Variants in MAST2 observed in about 807,000 individuals in gnomAD.
MAST2 encodes the protein microtubule-associated serine/threonine-protein kinase 2.
A neutral mutation model predicts 147.4 loss-of-function variants in MAST2; 70 were observed. The observed-to-expected ratio is 0.47, with a 90% CI of 0.39 to 0.58. MAST2 has a LOEUF of 0.58. Ranked by LOEUF, MAST2 falls within the 20% of genes least tolerant of loss-of-function variation. The probability of loss-of-function intolerance (pLI) is 0.00; values close to 1 mark genes in which losing one functional copy is unlikely to be tolerated. For synonymous variants in MAST2, 869 were observed against 896.8 expected (o/e 0.97, Z 0.55); for missense variants, 2,080 against 2,302.3 (o/e 0.90, Z 1.98).
At chr1:45,994,525 G>A (rs776133795) in intron 5 of MAST2, among the ~76,000 whole-genome samples, 11 of 151,840 alleles carry the variant, frequency 7.2e-5, no homozygotes, top group African/African-American at 1.2e-4. Context: ...AACCTCAGGC[G>A]ATCTGCCTGC....
At chr1:45,907,341 T>C (rs1194840285) in intron 4 of MAST2, among the ~76,000 whole-genome samples, 2 of 152,200 alleles carry the variant, frequency 1.3e-5, no homozygotes, top group Non-Finnish European at 2.9e-5. Context: ...TTTTCTCCAA[T>C]GTTTTCTTCT....
chr1:45,890,749 C>G (rs1215407260), intron 4 of MAST2, among the ~76,000 whole-genome samples: 2 of 152,272 alleles, frequency 1.3e-5, no homozygotes, highest in African/African-American at 2.4e-5. Context: ...ATATGCTGAT[C>G]CCAGAGCCTA....
chr1:45,880,199 G>A (rs757169299), intron 3 of MAST2, among the ~76,000 whole-genome samples: 3 of 152,138 alleles, frequency 2.0e-5, no homozygotes, highest in Non-Finnish European at 4.4e-5. Context: ...TTGGAGAAAC[G>A]ATAAATTAAC....
At chr1:46,032,865 C>G in intron 26 of MAST2, 147 bp downstream of exon 26, 1 of 1,072,514 alleles carries the variant, frequency 9.3e-7, no homozygotes, top group South Asian at 1.7e-5. Flanking sequence ...CGCGGTGGCT[C>G]ATGCCTGTAA....
At chr1:45,987,777 ATTTT>A in intron 5 of MAST2, among the ~76,000 whole-genome samples, 1 of 21,778 alleles carries the variant, frequency 4.6e-5, no homozygotes, top group Middle Eastern at 0.036. Flanking sequence ...TTTTTTTTTG[ATTTT>A]TTTTTTTTTT....
intron 1 of MAST2, among the ~76,000 whole-genome samples, chr1:45,816,221 A>AGAGAGAGAGAGAGAAAG (rs1553202491): frequency 2.2e-5 from 3 of 134,738 alleles, no homozygotes; most frequent in African/African-American, 8.4e-5. Context: ...GAGAGAGAGA[A>AGAGAGAGAGAGAGAAAG]AGAGAGAGAG....
At position 45,831,191 on chromosome 1, in the gene MAST2, C is replaced by T. The variant is rs115008252; in HGVS notation, c.468+1610C>T. 7.6e-3 allele frequency among the ~76,000 whole-genome samples: 1,151 copies of T among 152,252 alleles called. 16 individuals carry two copies. Among genetic ancestry groups the T allele is most frequent in the African/African-American group, 0.026 (1,098 of 41,544 alleles). On this transcript the variant is annotated intron_variant, in intron 3 of 28. Coordinates refer to ENST00000361297, the MANE Select transcript of MAST2 (RefSeq NM_015112.3). ...CAAACTTGCTTTTGTACCAAAGGCA[C>T]CCACTGGCTTTCTGCTCATCTCACA... is the stretch of plus-strand genomic sequence containing the variant.
At chr1:45,981,223 C>T (rs911410304) in intron 5 of MAST2, among the ~76,000 whole-genome samples, 4 of 152,218 alleles carry the variant, frequency 2.6e-5, no homozygotes, top group African/African-American at 9.6e-5. Flanking sequence ...AGGTGTGCAT[C>T]ACCACACCTG....
At chr1:45,983,068 A>G (rs1358705734) in intron 5 of MAST2, among the ~76,000 whole-genome samples, 2 of 152,176 alleles carry the variant, frequency 1.3e-5, no homozygotes, top group Non-Finnish European at 2.9e-5. Context: ...CATCACATAT[A>G]TAGTGGTCTG....
At chr1:45,875,056 G>A (rs549148614) in intron 3 of MAST2, among the ~76,000 whole-genome samples, 48 of 152,272 alleles carry the variant, frequency 3.2e-4, no homozygotes, top group Non-Finnish European at 4.0e-4. Context: ...TACTGAGGAG[G>A]GAGGCAGTCA....
chr1:45,830,534 T>G (rs1215109249), intron 3 of MAST2, among the ~76,000 whole-genome samples: 3 of 152,094 alleles, frequency 2.0e-5, no homozygotes, highest in Non-Finnish European at 4.4e-5. Context: ...AATTGTATAG[T>G]GAGGGTCAAG....
chr1:45,867,939 T>A (rs1409796826), intron 3 of MAST2, among the ~76,000 whole-genome samples: 1 of 152,212 alleles, frequency 6.6e-6, no homozygotes, highest in Non-Finnish European at 1.5e-5. Context: ...TTTGCCTTCC[T>A]CTGTGTTTTG....
At chr1:45,878,584 T>C (rs1646705938) in intron 3 of MAST2, among the ~76,000 whole-genome samples, 1 of 152,158 alleles carries the variant, frequency 6.6e-6, no homozygotes, top group Admixed American at 6.5e-5. Flanking sequence ...ATAGAAGATA[T>C]GATTGTTTAT....
intron 3 of MAST2, among the ~76,000 whole-genome samples, chr1:45,864,333 C>G (rs967110840): frequency 1.3e-5 from 2 of 152,190 alleles, no homozygotes; most frequent in African/African-American, 4.8e-5. Context: ...AACACGTGGA[C>G]TAGCCCCCTC....
At chr1:45,853,381 C>CA in intron 3 of MAST2, among the ~76,000 whole-genome samples, 1 of 150,990 alleles carries the variant, frequency 6.6e-6, no homozygotes, top group South Asian at 2.1e-4. Context: ...TTTTTTGAGT[C>CA]AGAGTCTCTG....
chr1:45,919,791 GTT>G (rs35824370), intron 4 of MAST2, among the ~76,000 whole-genome samples: 2 of 140,618 alleles, frequency 1.4e-5, no homozygotes, highest in African/African-American at 2.6e-5. Context: ...TAAATTTCAT[GTT>G]TTTTTTTTTT....
At chr1:45,923,239 G>A (rs181970762) in intron 4 of MAST2, among the ~76,000 whole-genome samples, 1 of 152,222 alleles carries the variant, frequency 6.6e-6, no homozygotes, top group Admixed American at 6.5e-5. Flanking sequence ...CCTGTAGGGG[G>A]GCTTCCAAAG....
chr1:45,860,201 TACACACACACAC>T (rs777498021), intron 3 of MAST2, among the ~76,000 whole-genome samples: 15 of 144,030 alleles, frequency 1.0e-4, no homozygotes, highest in East Asian at 2.1e-4. Context: ...CTACTAAAAA[TACACACACACAC>T]ACACACACAC....
chr1:45,970,615 C>T (rs1274894827), intron 5 of MAST2, among the ~76,000 whole-genome samples: 1 of 147,156 alleles, frequency 6.8e-6, no homozygotes, highest in Non-Finnish European at 1.5e-5. Context: ...TTGCAGTGAG[C>T]CCAGATCGCA....
Sources: allele counts gnomAD v4.1 joint callset (sites outside exome capture counted in the v4.1 genomes callset), GRCh38; gene constraint gnomAD v4.1.1; transcripts MANE v1.5; gene names NCBI Gene and HGNC (gene_info 2026-07-23, HGNC 2026-07-21).